Variants in DISC1 observed in about 807,000 individuals in gnomAD.
The protein encoded by DISC1 is DISC1 scaffold protein, also known as disrupted in schizophrenia 1 protein.
Under a neutral mutation model 84.5 loss-of-function variants are expected in DISC1, and 57 were observed. That is an observed-to-expected ratio of 0.67 (90% CI 0.55 to 0.84). The LOEUF (loss-of-function observed/expected upper bound fraction) is 0.84, where lower values mean the gene tolerates loss of function less well. Among genes scored for constraint, DISC1 ranks in the 40% least tolerant of loss-of-function variants. The pLI is 0.00. For missense variants in DISC1, 1,000 were observed against 1,057.8 expected (o/e 0.95, Z 0.76); for synonymous variants, 411 against 415.2 (o/e 0.99, Z 0.12).
intron 10 of DISC1, among the ~76,000 whole-genome samples, chr1:231,961,199 A>T (rs149036633): frequency 5.1e-4 from 77 of 152,336 alleles, no homozygotes; most frequent in African/African-American, 1.7e-3. Flanking sequence ...TTGGACAGAA[A>T]CTGTGACCTA....
intron 10 of DISC1, among the ~76,000 whole-genome samples, chr1:231,962,600 G>T (rs1660540659): frequency 6.6e-6 from 1 of 152,162 alleles, no homozygotes; most frequent in Admixed American, 6.5e-5. Context: ...TAAAAGCTGA[G>T]AATTTCTTTA....
intron 9 of DISC1, among the ~76,000 whole-genome samples, chr1:231,916,610 C>G (rs1447650251): frequency 1.3e-5 from 2 of 148,208 alleles, no homozygotes; most frequent in African/African-American, 5.0e-5. Context: ...AGCCGAGATC[C>G]CGCCACTGCA....
intron 9 of DISC1, among the ~76,000 whole-genome samples, chr1:231,898,405 G>A (rs1408679485): frequency 6.6e-6 from 1 of 152,172 alleles, no homozygotes; most frequent in Non-Finnish European, 1.5e-5. Flanking sequence ...TGCCCAGGAA[G>A]GGCTGAAATC....
chr1:231,637,813 G>A (rs2059324667), intron 1 of DISC1, among the ~76,000 whole-genome samples: 1 of 152,136 alleles, frequency 6.6e-6, no homozygotes, highest in African/African-American at 2.4e-5. Flanking sequence ...GTGAGTCCAG[G>A]TATTTTTCTG....
At chr1:231,720,773 C>A in intron 3 of DISC1, 1 of 1,117,730 alleles carries the variant, frequency 8.9e-7, no homozygotes, top group Non-Finnish European at 1.2e-6. Flanking sequence ...TAAGTTTGTT[C>A]CTTCTCCCAG....
chr1:231,679,030 TC>T (rs2063447256), intron 1 of DISC1, among the ~76,000 whole-genome samples: 1 of 152,198 alleles, frequency 6.6e-6, no homozygotes, highest in East Asian at 1.9e-4. Flanking sequence ...CCATTTGTTT[TC>T]TTTTCTAATG....
rs763056491 is a variant in DISC1, at chr1:231,722,638, G to C, written c.1117+20614G>C. 4.3e-6 allele frequency: 7 copies of C among 1,613,872 alleles called. No homozygotes were observed. In the East Asian group the frequency reaches 1.3e-4, roughly 31 times the overall value. On this transcript the variant is annotated intron_variant, in intron 3 of 12. Transcript: ENST00000439617. Reference sequence around the variant, plus strand: ...AAATTTAAACAAAGCAAGACAAATAGATATCCACACAGCGTAGATCATGAC... The same window carrying C: ...AAATTTAAACAAAGCAAGACAAATACATATCCACACAGCGTAGATCATGAC...
intron 7 of DISC1, among the ~76,000 whole-genome samples, chr1:231,798,362 TAAG>T (rs769656983): frequency 6.8e-4 from 104 of 152,274 alleles, no homozygotes; most frequent in Admixed American, 1.5e-3. Context: ...TGCAATTTAA[TAAG>T]AAGATTCAGA....
At chr1:231,868,723 T>C (rs1249566037) in intron 9 of DISC1, among the ~76,000 whole-genome samples, 4 of 99,260 alleles carry the variant, frequency 4.0e-5, no homozygotes, top group Non-Finnish European at 8.0e-5. Context: ...TATATATATA[T>C]ATATATATAT....
At chr1:231,919,002 C>A (rs754337059) in intron 9 of DISC1, among the ~76,000 whole-genome samples, 1 of 152,174 alleles carries the variant, frequency 6.6e-6, no homozygotes, top group Non-Finnish European at 1.5e-5. Flanking sequence ...TTCCATGAAG[C>A]TCCTCAATTT....
chr1:231,867,722 A>G (rs74897845), intron 9 of DISC1, among the ~76,000 whole-genome samples: 9 of 152,322 alleles, frequency 5.9e-5, no homozygotes, highest in Admixed American at 5.9e-4. Flanking sequence ...CTTCCCATAC[A>G]GTTAGATTTG....
chr1:231,846,332 C>T (rs919333787), intron 9 of DISC1, among the ~76,000 whole-genome samples: 1 of 152,332 alleles, frequency 6.6e-6, no homozygotes. Context: ...GGGACAACTG[C>T]GAAGACACTG....
chr1:231,894,217 G>T (rs1427162804), intron 9 of DISC1, among the ~76,000 whole-genome samples: 1 of 152,118 alleles, frequency 6.6e-6, no homozygotes, highest in Non-Finnish European at 1.5e-5. Context: ...TGTCTAATTT[G>T]TCTCTTGATA....
chr1:231,900,090 C>G (rs1393443753), intron 9 of DISC1, among the ~76,000 whole-genome samples: 1 of 152,118 alleles, frequency 6.6e-6, no homozygotes, highest in Non-Finnish European at 1.5e-5. Flanking sequence ...AATAGTCTAG[C>G]CTGTGTTTGG....
At chr1:231,685,610 GC>G (rs1232024270) in intron 1 of DISC1, among the ~76,000 whole-genome samples, 1 of 152,088 alleles carries the variant, frequency 6.6e-6, no homozygotes, top group East Asian at 1.9e-4. Flanking sequence ...CTGCCACCAT[GC>G]CCAGCTAATT....
chr1:231,975,469 T>C (rs751010062), intron 10 of DISC1, among the ~76,000 whole-genome samples: 3 of 152,332 alleles, frequency 2.0e-5, no homozygotes, highest in Admixed American at 6.5e-5. Context: ...ATCCCACTAC[T>C]GGAAATCTAC....
chr1:231,726,790 A>G (rs1364127700), intron 3 of DISC1, among the ~76,000 whole-genome samples: 1 of 152,206 alleles, frequency 6.6e-6, no homozygotes, highest in Non-Finnish European at 1.5e-5. Context: ...AAGTGGTTTT[A>G]GAATATCAGG....
chr1:231,990,322 G>A (rs1665034253), intron 10 of DISC1, among the ~76,000 whole-genome samples: 1 of 151,856 alleles, frequency 6.6e-6, no homozygotes, highest in African/African-American at 2.4e-5. Context: ...CACGGGGAAG[G>A]CAAGCAGAAG....
At chr1:231,762,509 GTTT>G (rs1396197645) in intron 4 of DISC1, among the ~76,000 whole-genome samples, 2 of 52,556 alleles carry the variant, frequency 3.8e-5, no homozygotes, top group African/African-American at 1.2e-4. Context: ...TTTTAGTTTT[GTTT>G]TGTTTTTTTT....
Sources: gnomAD v4.1 joint callset for allele counts (sites outside exome capture counted in the v4.1 genomes callset) on GRCh38, gnomAD v4.1.1 for gene constraint, MANE v1.5 for transcripts, NCBI Gene and HGNC (gene_info 2026-07-23, HGNC 2026-07-21) for gene names.